Variants in OR4K1 observed in about 807,000 individuals in gnomAD.
The protein encoded by OR4K1 is olfactory receptor 4K1.
A neutral mutation model predicts 14.4 loss-of-function variants in OR4K1; 16 were observed. The ratio of observed to expected loss-of-function variants is 1.11; its 90% CI spans 0.75 to 1.68. The LOEUF (loss-of-function observed/expected upper bound fraction) is 1.68. Ranked by LOEUF, OR4K1 falls within the 40% of genes most tolerant of loss-of-function variation. OR4K1 has a pLI of 0.00. For synonymous variants in OR4K1, 181 were observed against 133.1 expected (o/e 1.36, Z -2.48); for missense variants, 548 against 376.9 (o/e 1.45, Z -3.76).
At chr14:19,927,490 G>T (rs1390433689), upstream of OR4K1, among the ~76,000 whole-genome samples, 2 of 152,254 alleles carry the variant, frequency 1.3e-5, no homozygotes, top group African/African-American at 4.8e-5. Flanking sequence ...TGGGAGGGAA[G>T]AATGAGGATG....
rs112929662 is a variant in OR4K1, at chr14:19,933,881, G to A, written c.-19-1767G>A. On this transcript the variant is annotated intron_variant, in intron 1 of 1. Transcript: ENST00000641172. Reference sequence around the variant, plus strand: ...ATTACAGGCATGAGCCACCATGCCCGGCCTGCATTCTTCTTAAAACCAATT... The same window carrying A: ...ATTACAGGCATGAGCCACCATGCCCAGCCTGCATTCTTCTTAAAACCAATT... Among the ~76,000 whole-genome samples the A allele has an allele frequency of 4.4e-3, 663 of 152,172 alleles. 2 individuals are homozygous for A. Among genetic ancestry groups the A allele is most frequent in the African/African-American group, 0.014 (590 of 41,516 alleles).
upstream of OR4K1, among the ~76,000 whole-genome samples, chr14:19,930,175 G>C (rs539054500): frequency 3.9e-5 from 6 of 152,176 alleles, no homozygotes; most frequent in South Asian, 1.2e-3. Flanking sequence ...CTCTCCTTCA[G>C]CCAGTGCTGC....
chr14:19,932,829 G>A (rs545128133), intron 1 of OR4K1, among the ~76,000 whole-genome samples: 4 of 152,172 alleles, frequency 2.6e-5, no homozygotes, highest in East Asian at 1.9e-4. Flanking sequence ...CATATGCTTA[G>A]GGGACTGCTT....
intron 1 of OR4K1, among the ~76,000 whole-genome samples, chr14:19,931,718 C>G (rs1159074346): frequency 2.0e-5 from 3 of 152,166 alleles, no homozygotes. Context: ...GGCTTTACAC[C>G]AAGAATAGGG....
At chr14:19,928,064 C>G (rs1042980017), upstream of OR4K1, among the ~76,000 whole-genome samples, 1 of 152,214 alleles carries the variant, frequency 6.6e-6, no homozygotes, top group Non-Finnish European at 1.5e-5. Flanking sequence ...AGATTATACT[C>G]ACATTTTTTG....
chr14:19,936,191 T>C lies in OR4K1; in HGVS notation c.525T>C (p.Asp175=), dbSNP rs773269514. The C allele has an allele frequency of 8.7e-6, 14 of 1,614,138 alleles. No individual in the cohort carries two copies. In the Admixed American group the frequency reaches 1.7e-4, roughly 19 times the overall value. The change falls in exon 2 of 2, where the codon GAT becomes GAC. Residue 175 remains aspartate, a synonymous_variant. Coordinates refer to ENST00000641172, the MANE Select transcript of OR4K1 (RefSeq NM_001004063.3). ...DLPFCGPNEV[D]SFFCDLPLVI... The stretch of plus-strand genomic sequence containing the variant: ...CATTCTGTGGTCCCAATGAGGTGGA[T>C]AGCTTCTTTTGTGACCTTCCCTTGG...
At position 19,935,820 on chromosome 14, in the gene OR4K1, G is replaced by C; in HGVS notation, c.154G>C (p.Asp52His). The stretch of plus-strand genomic sequence containing the variant: ...CTTAATTATTGTCATTATTTCTTTT[G>C]ACTCCCATTTGAACTCTCCTATGTA... ...NVLIIVIISF[D>H]SHLNSPMYFL... The change falls in exon 2 of 2, where the codon GAC becomes CAC. Residue 52 changes from aspartate (D) to histidine (H), a missense_variant. Transcript: ENST00000641172. The C allele has an allele frequency of 6.2e-7, 1 of 1,614,088 alleles. No individual in the cohort carries two copies. The highest frequency in any genetic ancestry group is 8.5e-7 in the Non-Finnish European group (1 of 1,179,998).
intron 1 of OR4K1, among the ~76,000 whole-genome samples, chr14:19,933,580 G>C (rs1208483747): frequency 6.6e-6 from 1 of 152,072 alleles, no homozygotes; most frequent in African/African-American, 2.4e-5. Context: ...ACATTCTTGA[G>C]TAACTTAGGT....
chr14:19,925,258 A>G, the OR4K1 span, among the ~76,000 whole-genome samples: 8 of 152,206 alleles, frequency 5.3e-5, no homozygotes, highest in Admixed American at 4.6e-4. Flanking sequence ...TTGAACATTG[A>G]TTATATTACT....
At chr14:19,930,456 A>G (rs147416419), upstream of OR4K1, among the ~76,000 whole-genome samples, 193 of 152,340 alleles carry the variant, frequency 1.3e-3, no homozygotes, top group African/African-American at 4.4e-3. Flanking sequence ...ATATTTGAAG[A>G]AACATAATAC....
In OR4K1 at chr14:19,936,663, G is replaced by T; in HGVS notation, c.*61G>T. Reference sequence around the variant, plus strand: ...TGAAGACCCTCCAGTGTATCATAGTGTCATGCCAACCATCTTTGCCAGACA... The same window carrying T: ...TGAAGACCCTCCAGTGTATCATAGTTTCATGCCAACCATCTTTGCCAGACA... On this transcript the variant is annotated 3_prime_UTR_variant, in exon 2 of 2. Transcript: ENST00000641172. 1 of 1,440,382 alleles carries T rather than the reference G, an allele frequency of 6.9e-7. No homozygotes were observed. The highest frequency in any genetic ancestry group is 1.4e-5 in the South Asian group (1 of 70,886). 89.2% of individuals were successfully genotyped at this position (1,440,382 alleles called of 1,614,324 possible).
chr14:19,920,500 G>A, the OR4K1 span: 2 of 1,387,768 alleles, frequency 1.4e-6, no homozygotes, highest in Admixed American at 4.8e-5. Flanking sequence ...CATTATATCT[G>A]AGATCTCAGA....
At chr14:19,932,582 T>G (rs1433812625) in intron 1 of OR4K1, among the ~76,000 whole-genome samples, 1 of 152,244 alleles carries the variant, frequency 6.6e-6, no homozygotes, top group Non-Finnish European at 1.5e-5. Context: ...TGTCCCACTT[T>G]AGAGCCCCAC....
At chr14:19,923,722 G>A in the OR4K1 span, among the ~76,000 whole-genome samples, 1,207 of 152,200 alleles carry the variant, frequency 7.9e-3, 7 homozygotes, top group African/African-American at 0.028. Flanking sequence ...AATGAAGAGT[G>A]TATTAGTAAA....
At chr14:19,932,999 ATAT>A (rs200675467) in intron 1 of OR4K1, among the ~76,000 whole-genome samples, 10,122 of 149,070 alleles carry the variant, frequency 0.068, 530 homozygotes, top group East Asian at 0.47. Context: ...GCACTTATAA[ATAT>A]TATTATTTTT....
the OR4K1 span, chr14:19,920,935 G>C: frequency 6.2e-7 from 1 of 1,614,146 alleles, no homozygotes; most frequent in Non-Finnish European, 8.5e-7. Context: ...TTTACTGGAG[G>C]GGAGATGGTG....
At chr14:19,929,085 T>G (rs2138587444), upstream of OR4K1, among the ~76,000 whole-genome samples, 1 of 152,008 alleles carries the variant, frequency 6.6e-6, no homozygotes, top group African/African-American at 2.4e-5. Flanking sequence ...AAAAAAATCT[T>G]CACGTGCTTT....
At chr14:19,935,610 C>T (rs1041284620) in intron 1 of OR4K1, 38 bp from the exon 2 acceptor site, 1 of 1,377,518 alleles carries the variant, frequency 7.3e-7, no homozygotes, top group Non-Finnish European at 1.0e-6. Context: ...TATTGTAATG[C>T]CAATCATTGT....
chr14:19,932,297 TTTC>T (rs1280180645), intron 1 of OR4K1, among the ~76,000 whole-genome samples: 1 of 152,128 alleles, frequency 6.6e-6, no homozygotes, highest in East Asian at 1.9e-4. Context: ...TTTCATTCTC[TTTC>T]TTCTTCCTTC....
Sources: gnomAD v4.1 joint callset for allele counts (sites outside exome capture counted in the v4.1 genomes callset) on GRCh38, gnomAD v4.1.1 for gene constraint, MANE v1.5 for transcripts, NCBI Gene and HGNC (gene_info 2026-07-23, HGNC 2026-07-21) for gene names.